ADGRG6: variants seen among roughly 807,000 people sequenced by gnomAD.
The protein encoded by ADGRG6 is G-protein coupled receptor 126.
A neutral mutation model predicts 142.4 loss-of-function variants in ADGRG6; 84 were observed. The observed-to-expected ratio is 0.59, with a 90% CI of 0.49 to 0.71. The LOEUF (loss-of-function observed/expected upper bound fraction) is 0.71. Among genes scored for constraint, ADGRG6 ranks in the 30% least tolerant of loss-of-function variants. The pLI is 0.00. For missense variants in ADGRG6, 1,367 were observed against 1,466.6 expected, an observed-to-expected ratio of 0.93 and a Z score of 1.11; for synonymous variants, 521 against 520.5, an observed-to-expected ratio of 1.00 and a Z score of -0.01.
chr6:142,363,473 C>A (rs576424151), intron 2 of ADGRG6, among the ~76,000 whole-genome samples: 1 of 152,092 alleles, frequency 6.6e-6, no homozygotes, highest in East Asian at 1.9e-4. Context: ...TGTAAAAATA[C>A]GCACAAGTAA....
chr6:142,334,470 C>T (rs1216375622), intron 2 of ADGRG6, among the ~76,000 whole-genome samples: 1 of 152,102 alleles, frequency 6.6e-6, no homozygotes, highest in Non-Finnish European at 1.5e-5. Flanking sequence ...TAGCAGAAGC[C>T]CAAGTGCCTG....
rs1229109232 is a variant in ADGRG6 at position 142,444,051 on chromosome 6, G to A, written c.*536G>A. On this transcript the variant is annotated 3_prime_UTR_variant, in exon 25 of 25. Transcript: ENST00000367609. Reference sequence around the variant, plus strand: ...AGGCAGAAAAGACTGTTTACTCCTTGACCCAAAGATTAAAAAGGATTTTTT... The same window carrying A: ...AGGCAGAAAAGACTGTTTACTCCTTAACCCAAAGATTAAAAAGGATTTTTT... 1 of 152,034 alleles carries A rather than the reference G, an allele frequency of 6.6e-6. No homozygotes were observed. The highest frequency in any genetic ancestry group is 2.4e-5 in the African/African-American group (1 of 41,400). The allele number at this position is 152,034 out of a possible 1,614,324, so 9.4% of individuals were successfully genotyped here.
intron 4 of ADGRG6, among the ~76,000 whole-genome samples, chr6:142,375,781 A>G (rs956387385): frequency 2.6e-5 from 4 of 152,168 alleles, no homozygotes; most frequent in Non-Finnish European, 5.9e-5. Flanking sequence ...GCAAAGGTAT[A>G]TTGCTAAATA....
intron 23 of ADGRG6, chr6:142,437,931 T>C (rs1777563954): frequency 1.3e-5 from 4 of 296,786 alleles, no homozygotes; most frequent in African/African-American, 8.7e-5. Context: ...TACTTTGTCT[T>C]TTTTCTTTTC....
chr6:142,408,952 C>T (rs1775948891), intron 16 of ADGRG6, among the ~76,000 whole-genome samples: 1 of 152,156 alleles, frequency 6.6e-6, no homozygotes, highest in African/African-American at 2.4e-5. Context: ...CCGTCTTAGA[C>T]TTCCGTGTTC....
At chr6:142,338,027 T>TTTTTTTTTTTTTTTTTG (rs892007926) in intron 2 of ADGRG6, among the ~76,000 whole-genome samples, 4 of 58,018 alleles carry the variant, frequency 6.9e-5, no homozygotes, top group Non-Finnish European at 1.0e-4. Flanking sequence ...GTTTTTTTTT[T>TTTTTTTTTTTTTTTTTG]TTTTTTTTTT....
Position 142,444,216 on chromosome 6 carries a change from A to G in ADGRG6, c.*701A>G, listed in dbSNP as rs1351665628. ...AAGGCATAGGGCCAAAGCATTAAGTATAATTTAATCCCATACATTCGAGTT... is the reference window on the plus strand; with the variant it reads ...AAGGCATAGGGCCAAAGCATTAAGTGTAATTTAATCCCATACATTCGAGTT... On this transcript the variant is annotated 3_prime_UTR_variant, in exon 25 of 25. Transcript: ENST00000367609. The G allele has an allele frequency of 6.6e-6, 1 of 152,234 alleles. No individual in the cohort carries two copies. The highest frequency in any genetic ancestry group is 1.5e-5 in the Non-Finnish European group (1 of 68,042). 9.4% of individuals were successfully genotyped at this position (152,234 alleles called of 1,614,324 possible).
intron 22 of ADGRG6, among the ~76,000 whole-genome samples, chr6:142,430,998 A>G (rs1173969838): frequency 1.3e-5 from 2 of 152,132 alleles, no homozygotes; most frequent in African/African-American, 4.8e-5. Flanking sequence ...GTTACTTGCA[A>G]CACCCTTTCT....
chr6:142,390,702 G>A (rs1774851407), intron 7 of ADGRG6, among the ~76,000 whole-genome samples: 1 of 151,754 alleles, frequency 6.6e-6, no homozygotes, highest in Non-Finnish European at 1.5e-5. Context: ...ATCAAAACCA[G>A]CAAGTATGAA....
At chr6:142,414,698 T>G (rs2115068730) in intron 18 of ADGRG6, among the ~76,000 whole-genome samples, 1 of 152,332 alleles carries the variant, frequency 6.6e-6, no homozygotes, top group East Asian at 1.9e-4. Context: ...GGTTTTGATC[T>G]TCAGGTTATA....
At chr6:142,302,557 C>T (rs1187193584) in intron 1 of ADGRG6, 2 of 522,610 alleles carry the variant, frequency 3.8e-6, no homozygotes, top group East Asian at 3.2e-5. Flanking sequence ...TTTTTTTCCC[C>T]CAGCGAGGTA....
chr6:142,445,787 C>G lies in ADGRG6; in HGVS notation c.*2272C>G, dbSNP rs1777947882. The stretch of plus-strand genomic sequence containing the variant: ...TTAGCTGGGGAGCCTAAATTTAGTT[C>G]AGCTTACCTTTGAGAATAGCATCAA... On this transcript the variant is annotated 3_prime_UTR_variant, in exon 25 of 25. Coordinates refer to ENST00000367609, the MANE Select transcript of ADGRG6 (RefSeq NM_198569.3). The G allele has an allele frequency of 6.6e-6, 1 of 152,152 alleles. No individual in the cohort carries two copies. Among genetic ancestry groups the G allele is most frequent in the Non-Finnish European group, 1.5e-5 (1 of 68,016 alleles). The allele number at this position is 152,152 out of a possible 1,614,324, so 9.4% of individuals were successfully genotyped here. A position where few individuals can be genotyped will look rare whatever the true frequency, so the allele number is the denominator to read the frequency against.
chr6:142,391,229 TCTA>T (rs2114972870), intron 7 of ADGRG6, among the ~76,000 whole-genome samples: 1 of 151,620 alleles, frequency 6.6e-6, no homozygotes, highest in African/African-American at 2.4e-5. Context: ...TTCTATTTTT[TCTA>T]TTATTTCATT....
chr6:142,313,132 A>G (rs776533983), intron 2 of ADGRG6, among the ~76,000 whole-genome samples: 27 of 152,016 alleles, frequency 1.8e-4, no homozygotes, highest in Non-Finnish European at 3.4e-4. Flanking sequence ...TACAACGATC[A>G]GGTATTACTT....
chr6:142,356,048 A>G (rs1780425695), intron 2 of ADGRG6, among the ~76,000 whole-genome samples: 1 of 152,328 alleles, frequency 6.6e-6, no homozygotes, highest in East Asian at 1.9e-4. Context: ...AGGTTAATGC[A>G]TACATTGCCT....
At chr6:142,430,653 G>A (rs1042879431) in intron 22 of ADGRG6, among the ~76,000 whole-genome samples, 1 of 151,976 alleles carries the variant, frequency 6.6e-6, no homozygotes, top group Non-Finnish European at 1.5e-5. Flanking sequence ...ACAAGACCAA[G>A]GTTAAACACA....
At chr6:142,390,051 G>A (rs949557689) in intron 6 of ADGRG6, among the ~76,000 whole-genome samples, 5 of 151,896 alleles carry the variant, frequency 3.3e-5, no homozygotes, top group African/African-American at 1.2e-4. Context: ...TAAGAAGTTG[G>A]AAGGTCAATA....
chr6:142,435,114 T>A (rs1017028656), intron 22 of ADGRG6, among the ~76,000 whole-genome samples: 3 of 152,130 alleles, frequency 2.0e-5, no homozygotes, highest in Non-Finnish European at 4.4e-5. Flanking sequence ...CATATAAGTT[T>A]TAATGATCCC....
intron 2 of ADGRG6, among the ~76,000 whole-genome samples, chr6:142,362,700 T>C (rs1780779972): frequency 6.6e-6 from 1 of 152,218 alleles, no homozygotes; most frequent in African/African-American, 2.4e-5. Flanking sequence ...CTGCATATTA[T>C]CAATCATTTG....
Sources: allele counts gnomAD v4.1 joint callset (sites outside exome capture counted in the v4.1 genomes callset), GRCh38; gene constraint gnomAD v4.1.1; transcripts MANE v1.5; gene names NCBI Gene and HGNC (gene_info 2026-07-23, HGNC 2026-07-21).